SYNPO2: variants seen among roughly 807,000 people sequenced by gnomAD.
The protein encoded by SYNPO2 is synaptopodin 2.
SYNPO2 carries 56 observed loss-of-function variants against 85.0 expected under a neutral mutation model. That is an observed-to-expected ratio of 0.66 (90% confidence interval 0.53 to 0.82). The LOEUF (loss-of-function observed/expected upper bound fraction) is 0.82. Ranked by LOEUF, SYNPO2 falls within the 40% of genes least tolerant of loss-of-function variation. The pLI, the probability that SYNPO2 is intolerant of heterozygous loss-of-function variation, is 0.00. For missense variants in SYNPO2, 1,575 were observed against 1,534.2 expected (o/e 1.03, Z -0.44); for synonymous variants, 602 against 591.1 (o/e 1.02, Z -0.27).
Position 119,030,475 on chromosome 4 carries a change from A to G in SYNPO2, c.1700A>G (p.Gln567Arg). The change falls in exon 4 of 5, where the codon CAG (glutamine) becomes CGG (arginine). Residue 567 changes from glutamine to arginine, a missense_variant. Gln to Arg is a conservative substitution (Grantham distance 43). Coordinates refer to ENST00000307142, the MANE Select transcript of SYNPO2 (RefSeq NM_133477.3). ...CATGGTCTTGGCCATGTTCCCCAAC[A>G]GAATGGCTTCAGTGGGACATCTGAG... ...VSHGLGHVPQ[Q>R]NGFSGTSETA... 2 of 1,614,142 alleles carry G rather than the reference A, an allele frequency of 1.2e-6. No homozygotes were observed. The highest frequency in any genetic ancestry group is 1.7e-6 in the Non-Finnish European group (2 of 1,179,984).
At chr4:119,046,493 G>A (rs1194739907) in intron 4 of SYNPO2, among the ~76,000 whole-genome samples, 1 of 152,218 alleles carries the variant, frequency 6.6e-6, no homozygotes, top group African/African-American at 2.4e-5. Flanking sequence ...TCAAAGGCAA[G>A]TCTCCCTCCT....
At chr4:118,908,116 C>T (rs774459445) in intron 1 of SYNPO2, among the ~76,000 whole-genome samples, 35 of 152,086 alleles carry the variant, frequency 2.3e-4, no homozygotes, top group Admixed American at 1.2e-3. Flanking sequence ...AAGATATTTA[C>T]GCACTTTTCT....
In SYNPO2 at chr4:119,000,471, A is replaced by G. The variant is rs376628211; in HGVS notation, c.106-22959A>G. Among the ~76,000 whole-genome samples, 36 of 152,340 alleles carry G rather than the reference A, an allele frequency of 2.4e-4. No homozygotes were observed. The South Asian group carries it at 7.2e-3, about 31-fold the overall frequency. On this transcript the variant is annotated intron_variant, in intron 1 of 4. Coordinates refer to ENST00000307142, the MANE Select transcript of SYNPO2 (RefSeq NM_133477.3). ...ACTGTCATGTAAAACAGCAGAAGAC[A>G]CCCACAGACACACAGAGAGAAACAG...
chr4:118,943,860 A>G (rs1490049642), intron 1 of SYNPO2, among the ~76,000 whole-genome samples: 1 of 152,188 alleles, frequency 6.6e-6, no homozygotes, highest in Non-Finnish European at 1.5e-5. Flanking sequence ...GTACCTCTCA[A>G]GGTGACTGTT....
intron 4 of SYNPO2, chr4:119,035,656 G>C: frequency 1.0e-6 from 1 of 985,236 alleles, no homozygotes; most frequent in Non-Finnish European, 1.2e-6. Context: ...TTAGCCATAG[G>C]AAAACCAATC....
intron 1 of SYNPO2, among the ~76,000 whole-genome samples, chr4:118,889,567 T>C (rs1292608245): frequency 6.6e-6 from 1 of 152,194 alleles, no homozygotes; most frequent in Non-Finnish European, 1.5e-5. Flanking sequence ...GGGACTCATA[T>C]AGAGTGTTGG....
At chr4:119,042,923 G>A (rs1738759111) in intron 4 of SYNPO2, 1 of 152,204 alleles carries the variant, frequency 6.6e-6, no homozygotes, top group Non-Finnish European at 1.5e-5. Flanking sequence ...TTACCAGTGG[G>A]AGGAGAAAAG....
In SYNPO2 at chr4:119,023,692, T is replaced by G. The variant is rs1429272478; in HGVS notation, c.257+111T>G. The G allele has an allele frequency of 2.4e-6, 3 of 1,260,588 alleles. No individual in the cohort carries two copies. The African/African-American group carries it at 4.6e-5, about 19-fold the overall frequency. The allele number at this position is 1,260,588 out of a possible 1,614,324, so 78.1% of individuals were successfully genotyped here. On this transcript the variant is annotated intron_variant, in intron 2 of 4. Transcript: ENST00000307142. ...TTATGGAGAAATTAGGGGTGCTTTG[T>G]AGAAGGTTAGGTATAGTTAAACAGA...
At chr4:119,038,470 G>A in intron 4 of SYNPO2, 1 of 985,340 alleles carries the variant, frequency 1.0e-6, no homozygotes, top group African/African-American at 1.7e-5. Flanking sequence ...GCTGGGAATG[G>A]GGAAGAATGT....
intron 4 of SYNPO2, chr4:119,032,323 A>G: frequency 7.7e-7 from 1 of 1,306,000 alleles, no homozygotes; most frequent in Non-Finnish European, 9.8e-7. Flanking sequence ...TAAGCAGGAG[A>G]CTTAGGATTT....
intron 1 of SYNPO2, among the ~76,000 whole-genome samples, chr4:118,945,806 C>T (rs547075613): frequency 4.6e-5 from 7 of 151,910 alleles, no homozygotes; most frequent in Admixed American, 6.6e-5. Context: ...AGTGCAGTGG[C>T]GTGACCTTGG....
At chr4:118,949,784 C>G (rs183757888) in intron 1 of SYNPO2, among the ~76,000 whole-genome samples, 225 of 150,064 alleles carry the variant, frequency 1.5e-3, no homozygotes, top group African/African-American at 5.4e-3. Flanking sequence ...ATGAAATATT[C>G]TATTACATGT....
At chr4:118,856,289 C>T (rs368376109) in intron 1 of SYNPO2, among the ~76,000 whole-genome samples, 1 of 152,220 alleles carries the variant, frequency 6.6e-6, no homozygotes, top group African/African-American at 2.4e-5. Context: ...ATTGTTGGCT[C>T]TCAATAATTA....
intron 1 of SYNPO2, among the ~76,000 whole-genome samples, chr4:118,907,579 A>G (rs188763080): frequency 2.0e-4 from 31 of 152,328 alleles, no homozygotes; most frequent in Admixed American, 2.0e-3. Context: ...CTTGATTAGT[A>G]TAGTGCCACA....
intron 1 of SYNPO2, among the ~76,000 whole-genome samples, chr4:118,897,405 A>T (rs2149116976): frequency 6.6e-6 from 1 of 152,172 alleles, no homozygotes; most frequent in African/African-American, 2.4e-5. Flanking sequence ...CTACCTATAG[A>T]TACTCCCCCT....
chr4:118,918,974 A>G (rs886576436), intron 1 of SYNPO2, among the ~76,000 whole-genome samples: 1 of 152,204 alleles, frequency 6.6e-6, no homozygotes, highest in Non-Finnish European at 1.5e-5. Context: ...GAATATGCTA[A>G]AATTAGGACT....
At chr4:119,038,146 A>G in intron 4 of SYNPO2, 1 of 985,426 alleles carries the variant, frequency 1.0e-6, no homozygotes, top group Non-Finnish European at 1.2e-6. Context: ...TGGTTTCCAC[A>G]GTCTCATCAG....
chr4:118,998,813 G>T (rs1736715745), intron 1 of SYNPO2, among the ~76,000 whole-genome samples: 1 of 152,154 alleles, frequency 6.6e-6, no homozygotes, highest in African/African-American at 2.4e-5. Context: ...ATGGATCAAA[G>T]TTTGAGATTA....
intron 4 of SYNPO2, chr4:119,034,703 A>T (rs1196728041): frequency 1.9e-5 from 19 of 985,388 alleles, no homozygotes; most frequent in Non-Finnish European, 2.2e-5. Context: ...AAGTGGGAGG[A>T]AGAAGGACTA....
Sources: allele counts gnomAD v4.1 joint callset (sites outside exome capture counted in the v4.1 genomes callset), GRCh38; gene constraint gnomAD v4.1.1; transcripts MANE v1.5; gene names NCBI Gene and HGNC (gene_info 2026-07-23, HGNC 2026-07-21).